The following PRKCD variants were observed in gnomAD, a reference collection of about 807,000 sequenced individuals.
PRKCD encodes protein kinase C delta type.
In PRKCD, 20 loss-of-function variants were observed where a neutral mutation model predicts 82.2. The ratio of observed to expected loss-of-function variants is 0.24; its 90% CI spans 0.17 to 0.35. The LOEUF (loss-of-function observed/expected upper bound fraction) is 0.35. Among genes scored for constraint, PRKCD ranks in the 10% least tolerant of loss-of-function variants. PRKCD has a pLI of 1.00. For synonymous variants in PRKCD, 317 were observed against 337.0 expected (o/e 0.94, Z 0.65); for missense variants, 607 against 899.0 (o/e 0.68, Z 4.15).
intron 6 of PRKCD, 36 bp from the exon 7 acceptor site, chr3:53,181,665 C>T (rs1703446916): frequency 1.2e-6 from 2 of 1,612,308 alleles, no homozygotes; most frequent in East Asian, 2.2e-5. Flanking sequence ...GATCCCGGTC[C>T]CCGCTCACTC....
At chr3:53,182,975 G>A (rs781906633) in intron 7 of PRKCD, 146 bp from the exon 8 acceptor site, 29 of 761,466 alleles carry the variant, frequency 3.8e-5, no homozygotes, top group Middle Eastern at 2.7e-4. Context: ...AGACTCAAGC[G>A]CTGGGCCTCT....
chr3:53,176,461 C>G (rs1703216285), intron 2 of PRKCD, among the ~76,000 whole-genome samples: 1 of 152,262 alleles, frequency 6.6e-6, no homozygotes, highest in Non-Finnish European at 1.5e-5. Flanking sequence ...TGGAGGAAGT[C>G]ATCTGGGGCT....
chr3:53,189,772 G>A, intron 17 of PRKCD, 101 bp from the exon 18 acceptor site: 1 of 1,540,558 alleles, frequency 6.5e-7, no homozygotes, highest in Non-Finnish European at 8.9e-7. Context: ...ACTGGGGCTG[G>A]GGCAAGCCTG....
chr3:53,168,127 C>T (rs3773731), intron 2 of PRKCD, among the ~76,000 whole-genome samples: 18,369 of 152,286 alleles, frequency 0.12, 1,370 homozygotes, highest in East Asian at 0.23. Flanking sequence ...TGGCTGGGAA[C>T]GAGGGGGTGG....
chr3:53,184,019 G>C (rs534380537), intron 9 of PRKCD, among the ~76,000 whole-genome samples: 1 of 152,162 alleles, frequency 6.6e-6, no homozygotes, highest in Non-Finnish European at 1.5e-5. Context: ...CTGTCTTCTG[G>C]TTTTTCCTTT....
chr3:53,161,768 C>A (rs1553662996), intron 1 of PRKCD, among the ~76,000 whole-genome samples: 2 of 151,860 alleles, frequency 1.3e-5, no homozygotes, highest in Non-Finnish European at 2.9e-5. Context: ...TGTGTTCTCC[C>A]CCTGCGCGCC....
chr3:53,167,337 A>AGG (rs1553664044), intron 2 of PRKCD, among the ~76,000 whole-genome samples: 2 of 152,164 alleles, frequency 1.3e-5, no homozygotes, highest in Non-Finnish European at 1.5e-5. Context: ...GGAGAAGGGC[A>AGG]GGGGGCAGGT....
chr3:53,166,031 G>C (rs1045644168), intron 2 of PRKCD, among the ~76,000 whole-genome samples: 1 of 152,218 alleles, frequency 6.6e-6, no homozygotes, highest in East Asian at 1.9e-4. Flanking sequence ...GAGTAACAGT[G>C]GGGGGATAGC....
chr3:53,183,703 CTGA>C (rs1179933360), intron 9 of PRKCD, 122 bp downstream of exon 9: 6 of 1,371,158 alleles, frequency 4.4e-6, no homozygotes, highest in Non-Finnish European at 5.9e-6. Context: ...ATTCAGGGAC[CTGA>C]TGAGGGTGAG....
chr3:53,180,012 A>T (rs1263493825), intron 4 of PRKCD, among the ~76,000 whole-genome samples: 20 of 152,152 alleles, frequency 1.3e-4, no homozygotes, highest in African/African-American at 4.8e-4. Context: ...CGCATCTGTT[A>T]AGGGAAGGCG....
At chr3:53,170,142 G>T (rs1702969349) in intron 2 of PRKCD, among the ~76,000 whole-genome samples, 1 of 73,734 alleles carries the variant, frequency 1.4e-5, no homozygotes, top group Non-Finnish European at 3.8e-5. Flanking sequence ...AAAATCGTGG[G>T]AACTCTGTGG....
At chr3:53,185,778 T>C (rs1301024748) in intron 11 of PRKCD, 78 bp downstream of exon 11, 1 of 1,537,336 alleles carries the variant, frequency 6.5e-7, no homozygotes, top group African/African-American at 1.4e-5. Flanking sequence ...TCCCTTCCAT[T>C]GTCAAGTGAG....
Position 53,184,978 on chromosome 3 carries a change from G to C in PRKCD, c.888+4G>C, listed in dbSNP as rs1480219424. ...GGCCTTGAACCAAGTCACCCAGGTGGGCAGGTGCCATGGGGACCCTGGACA... is the reference window on the plus strand; with the variant it reads ...GGCCTTGAACCAAGTCACCCAGGTGCGCAGGTGCCATGGGGACCCTGGACA... On this transcript the variant is annotated splice_donor_region_variant and intron_variant, in intron 10 of 18. Coordinates refer to ENST00000330452, the MANE Select transcript of PRKCD (RefSeq NM_006254.4). 3.7e-6 allele frequency: 6 copies of C among 1,613,608 alleles called. No individual in the cohort carries two copies. Among genetic ancestry groups the C allele is most frequent in the Non-Finnish European group, 5.1e-6 (6 of 1,179,752 alleles).
chr3:53,164,399 A>G (rs1702767872), intron 1 of PRKCD, among the ~76,000 whole-genome samples: 1 of 152,178 alleles, frequency 6.6e-6, no homozygotes, highest in Non-Finnish European at 1.5e-5. Flanking sequence ...CCTGGCCAAC[A>G]TGGTGAAACC....
chr3:53,185,261 G>C (rs1465542147), intron 10 of PRKCD, among the ~76,000 whole-genome samples: 33 of 152,204 alleles, frequency 2.2e-4, no homozygotes, highest in African/African-American at 8.0e-4. Flanking sequence ...TTGTATGTGG[G>C]GGGGGCTTGA....
At chr3:53,188,960 C>T in intron 16 of PRKCD, 98 bp from the exon 17 acceptor site, 1 of 1,580,812 alleles carries the variant, frequency 6.3e-7, no homozygotes, top group Non-Finnish European at 8.6e-7. Flanking sequence ...AAGCCAAAGC[C>T]CATAGGCTGA....
intron 4 of PRKCD, among the ~76,000 whole-genome samples, chr3:53,180,714 G>A (rs1703404484): frequency 6.6e-6 from 1 of 152,200 alleles, no homozygotes; most frequent in Non-Finnish European, 1.5e-5. Context: ...CCAGGTCTAG[G>A]TCTTGGGGGA....
intron 15 of PRKCD, among the ~76,000 whole-genome samples, chr3:53,188,469 C>A (rs959289588): frequency 1.4e-4 from 22 of 152,196 alleles, no homozygotes; most frequent in Admixed American, 1.4e-3. Context: ...AGTGACATCA[C>A]CTGTTTGAGC....
chr3:53,186,836 T>A, intron 14 of PRKCD, 141 bp downstream of exon 14: 2 of 874,694 alleles, frequency 2.3e-6, no homozygotes. Flanking sequence ...TGGGGAGATG[T>A]GGGGGTAGCC....
Sources: gnomAD v4.1 joint callset for allele counts (sites outside exome capture counted in the v4.1 genomes callset) on GRCh38, gnomAD v4.1.1 for gene constraint, MANE v1.5 for transcripts, NCBI Gene and HGNC (gene_info 2026-07-23, HGNC 2026-07-21) for gene names.